The following MTIF2 variants were observed in gnomAD, a reference collection of about 807,000 sequenced individuals.
MTIF2 encodes the protein translation initiation factor IF-2, mitochondrial.
MTIF2 carries 71 observed loss-of-function variants against 83.5 expected under a neutral mutation model. That is an observed-to-expected ratio of 0.85 (90% CI 0.70 to 1.04). The LOEUF is 1.04. MTIF2 is among the 50% of genes least tolerant of loss of function. MTIF2 has a pLI of 0.00. For missense variants in MTIF2, 957 were observed against 846.5 expected, an observed-to-expected ratio of 1.13 and a Z score of -1.62; for synonymous variants, 319 against 287.1, an observed-to-expected ratio of 1.11 and a Z score of -1.12.
At chr2:55,265,142 C>A (rs1282529010) in intron 3 of MTIF2, among the ~76,000 whole-genome samples, 1 of 151,074 alleles carries the variant, frequency 6.6e-6, no homozygotes, top group Non-Finnish European at 1.5e-5. Context: ...ACCCAGAAGG[C>A]TGAGGCAGGA....
rs756072898 is a variant in MTIF2, at chr2:55,254,724, C to T, written c.433G>A (p.Ala145Thr). 6.2e-7 allele frequency: 1 copy of T among 1,610,466 alleles called. No homozygotes were observed. Among genetic ancestry groups the T allele is most frequent in the East Asian group, 2.2e-5 (1 of 44,540 alleles). Residue 145 changes from alanine to threonine, a missense_variant, in exon 6 of 16, where the codon GCA becomes ACA. Coordinates refer to ENST00000263629, the MANE Select transcript of MTIF2 (RefSeq NM_002453.3). Reference protein sequence around the residue: ...EVWIKEVITKAGMKLKWSKLK... With the variant: ...EVWIKEVITKTGMKLKWSKLK... ...TTACTCCACTTTAACTTCATCCCTG[C>T]CTTCGTTATCACTTCTTTGATCCAG...
intron 10 of MTIF2, among the ~76,000 whole-genome samples, chr2:55,245,382 C>T (rs1379402638): frequency 6.6e-6 from 1 of 151,998 alleles, no homozygotes. Context: ...ATTAGCCAGG[C>T]ATGGTGGTGG....
chr2:55,241,468 T>G (rs1350782678), intron 13 of MTIF2, among the ~76,000 whole-genome samples: 1 of 150,540 alleles, frequency 6.6e-6, no homozygotes, highest in African/African-American at 2.4e-5. Flanking sequence ...CACTCTTGTC[T>G]TAAACAAAAT....
rs1678615542 is a variant in MTIF2 at position 55,268,719 on chromosome 2, A to G, written c.-216T>C. The G allele has an allele frequency of 6.6e-6, 1 of 152,300 alleles. No homozygotes were observed. Among genetic ancestry groups the G allele is most frequent in the Non-Finnish European group, 1.5e-5 (1 of 68,078 alleles). 9.4% of individuals were successfully genotyped at this position (152,300 alleles called of 1,614,324 possible). A position where few individuals can be genotyped will look rare whatever the true frequency, so the allele number is the denominator to read the frequency against. On this transcript the variant is annotated 5_prime_UTR_variant, in exon 2 of 16. Transcript: ENST00000263629. ...CCCAGTACGGTGTTGTTTCGCCGCT[A>G]GGATATCCTTGTCAAGGAATCTGAA...
chr2:55,237,191 T>A, intron 15 of MTIF2, 97 bp downstream of exon 15: 1 of 1,342,106 alleles, frequency 7.5e-7, no homozygotes. Flanking sequence ...TGAGCTGAGA[T>A]TATGGGCATG....
chr2:55,239,254 T>G (rs1208205756), intron 14 of MTIF2, among the ~76,000 whole-genome samples: 1 of 151,414 alleles, frequency 6.6e-6, no homozygotes. Flanking sequence ...AGTTCTGTAG[T>G]TTTATAAGAT....
At chr2:55,260,348 C>T (rs1432238930) in intron 5 of MTIF2, among the ~76,000 whole-genome samples, 5 of 147,580 alleles carry the variant, frequency 3.4e-5, no homozygotes, top group African/African-American at 5.0e-5. Context: ...TGCAGCAAGC[C>T]GAGATAGTGC....
At chr2:55,262,210 A>G in intron 5 of MTIF2, 106 bp downstream of exon 5, 1 of 773,490 alleles carries the variant, frequency 1.3e-6, no homozygotes, top group South Asian at 1.5e-5. Context: ...ATATTTTTTA[A>G]GTGCCAGTCT....
Position 55,254,029 on chromosome 2 carries a change from T to C in MTIF2, c.664+12A>G, listed in dbSNP as rs930520273. Reference sequence around the variant, plus strand: ...GTTCCCAAGCACATTGTAAGGTAATTTGTGTTCATACCAAGAAAGGCACCA... The same window carrying C: ...GTTCCCAAGCACATTGTAAGGTAATCTGTGTTCATACCAAGAAAGGCACCA... On this transcript the variant is annotated intron_variant, in intron 7 of 15. Coordinates refer to ENST00000263629, the MANE Select transcript of MTIF2 (RefSeq NM_002453.3). 1 of 1,613,336 alleles carries C rather than the reference T, an allele frequency of 6.2e-7. No individual in the cohort carries two copies. Among genetic ancestry groups the C allele is most frequent in the Non-Finnish European group, 8.5e-7 (1 of 1,179,538 alleles).
rs1225544046 is a variant in MTIF2 at position 55,243,730 on chromosome 2, C to T, written c.1312-62G>A. 3.9e-6 allele frequency: 6 copies of T among 1,536,390 alleles called. No homozygotes were observed. In the Middle Eastern group the frequency reaches 6.9e-4, roughly 178 times the overall value. On this transcript the variant is annotated intron_variant, in intron 11 of 15. Transcript: ENST00000263629. ...ACATCAATAACTGCTAGATTAAAGCCTTTGTGTTGTCCTGCATTAGGAAAT... is the reference window on the plus strand; with the variant it reads ...ACATCAATAACTGCTAGATTAAAGCTTTTGTGTTGTCCTGCATTAGGAAAT...
chr2:55,242,359 A>T (rs1390114378), intron 13 of MTIF2, among the ~76,000 whole-genome samples: 1 of 152,102 alleles, frequency 6.6e-6, no homozygotes, highest in Non-Finnish European at 1.5e-5. Flanking sequence ...TCACTCAACA[A>T]ATGTTTTTGC....
At chr2:55,238,952 T>C (rs555965164) in intron 14 of MTIF2, among the ~76,000 whole-genome samples, 1 of 152,258 alleles carries the variant, frequency 6.6e-6, no homozygotes, top group Admixed American at 6.5e-5. Context: ...AGACCAAAAA[T>C]GCAAAATCAA....
chr2:55,254,331 T>C lies in MTIF2; in HGVS notation c.504-130A>G. The C allele has an allele frequency of 5.0e-6, 5 of 1,006,428 alleles. No homozygotes were observed. In the South Asian group the frequency reaches 8.9e-5, roughly 18 times the overall value. The allele number at this position is 1,006,428 out of a possible 1,614,324, so 62.3% of individuals were successfully genotyped here. Reference sequence around the variant, plus strand: ...CCCAATATTCAGTGTGGATTAGACCTATTTCCCCCTCCTATACATATGACA... The same window carrying C: ...CCCAATATTCAGTGTGGATTAGACCCATTTCCCCCTCCTATACATATGACA... On this transcript the variant is annotated intron_variant, in intron 6 of 15. Transcript: ENST00000263629.
At chr2:55,237,257 T>C in intron 15 of MTIF2, 31 bp downstream of exon 15, 1 of 1,594,334 alleles carries the variant, frequency 6.3e-7, no homozygotes. Context: ...TGACTGGATA[T>C]GCTATTATAG....
intron 12 of MTIF2, 136 bp downstream of exon 12, chr2:55,243,280 A>C (rs572411915): frequency 2.7e-6 from 3 of 1,093,790 alleles, no homozygotes; most frequent in African/African-American, 3.2e-5. Flanking sequence ...CAAAATCAGC[A>C]AGAAATATGT....
chr2:55,256,306 A>ACGCG (rs1175651589), intron 5 of MTIF2, among the ~76,000 whole-genome samples: 4 of 11,472 alleles, frequency 3.5e-4, no homozygotes, highest in African/African-American at 5.8e-4. Flanking sequence ...ACATATACAC[A>ACGCG]CACACACACA....
At chr2:55,255,646 TACC>T (rs1677458342) in intron 5 of MTIF2, among the ~76,000 whole-genome samples, 1 of 151,394 alleles carries the variant, frequency 6.6e-6, no homozygotes, top group Non-Finnish European at 1.5e-5. Context: ...AGGAATTCAG[TACC>T]ACATTTAGGA....
In MTIF2 at chr2:55,258,076, G is replaced by A. The variant is rs542525707; in HGVS notation, c.332-3251C>T. Among the ~76,000 whole-genome samples, 22 of 152,286 alleles carry A rather than the reference G, an allele frequency of 1.4e-4. No individual in the cohort carries two copies. In the South Asian group the frequency reaches 4.6e-3, roughly 32 times the overall value. On this transcript the variant is annotated intron_variant, in intron 5 of 15. Coordinates refer to ENST00000263629, the MANE Select transcript of MTIF2 (RefSeq NM_002453.3). ...GAAAGTGCTGGGATTACAGACATGA[G>A]CCATCGCACCCAGCCAGTGAGTTTC...
rs1324789606 is a variant in MTIF2 at position 55,263,623 on chromosome 2, A to G, written c.219+17T>C. On this transcript the variant is annotated intron_variant, in intron 4 of 15. Transcript: ENST00000263629. ...AGACTCCATCTCAAAAAAAAAAAAA[A>G]AGAAATCTGTAACTACCTTTTTTGT... 1.9e-6 allele frequency: 3 copies of G among 1,575,086 alleles called. No homozygotes were observed. The highest frequency in any genetic ancestry group is 8.6e-7 in the Non-Finnish European group (1 of 1,163,408).
Sources: gnomAD v4.1 joint callset for allele counts (sites outside exome capture counted in the v4.1 genomes callset) on GRCh38, gnomAD v4.1.1 for gene constraint, MANE v1.5 for transcripts, NCBI Gene and HGNC (gene_info 2026-07-23, HGNC 2026-07-21) for gene names.